The following ALG13 variants were observed in gnomAD, a reference collection of about 807,000 sequenced individuals.
ALG13 encodes ALG13 UDP-N-acetylglucosaminyltransferase subunit.
In ALG13, 11 loss-of-function variants were observed where a neutral mutation model predicts 87.8. That is an observed-to-expected ratio of 0.13 (90% confidence interval 0.08 to 0.21). The LOEUF is 0.21. ALG13 is among the 10% of genes least tolerant of loss of function. The pLI is 1.00. For synonymous variants in ALG13, 320 were observed against 306.3 expected (o/e 1.04, Z -0.47); for missense variants, 756 against 866.1 (o/e 0.87, Z 1.60).
chrX:111,690,446 T>C (rs1203125386), intron 3 of ALG13: 6 of 696,410 alleles, frequency 8.6e-6, no homozygotes, highest in Non-Finnish European at 1.0e-5. Context: ...TTAAGGATTT[T>C]AGATACTTAT....
In ALG13 at chrX:111,759,784, TATC is replaced by T; in HGVS notation, c.3200_3202del (p.Tyr1067_Pro1068delinsSer). 1 of 1,209,176 alleles carries T rather than the reference TATC, an allele frequency of 8.3e-7. No homozygotes were observed. Reference sequence around the variant, plus strand: ...ATCTGTCCCTCATGGAGCAGTCTATTATCCAGTAATGTCAGATCCCTATGGGCA... The same window carrying T: ...ATCTGTCCCTCATGGAGCAGTCTATTCAGTAATGTCAGATCCCTATGGGCA... On this transcript the variant is annotated inframe_deletion, in exon 27 of 27. Coordinates refer to ENST00000394780, the MANE Select transcript of ALG13 (RefSeq NM_001099922.3).
Position 111,704,500 on chromosome X carries a change from G to T in ALG13, c.384-3527G>T, listed in dbSNP as rs762072443. On this transcript the variant is annotated intron_variant, in intron 3 of 26. Coordinates refer to ENST00000394780, the MANE Select transcript of ALG13 (RefSeq NM_001099922.3). ...TAAACAAATTTTGGTTTATGCAGGGGATTGAACTATGTAGTGATGCACCAT... is the reference window on the plus strand; with the variant it reads ...TAAACAAATTTTGGTTTATGCAGGGTATTGAACTATGTAGTGATGCACCAT... Among the ~76,000 whole-genome samples the T allele has an allele frequency of 3.6e-5, 4 of 112,129 alleles. No homozygotes were observed. The East Asian group carries it at 1.1e-3, about 31-fold the overall frequency.
At chrX:111,742,454 A>C (rs1157704398) in intron 23 of ALG13, among the ~76,000 whole-genome samples, 5 of 111,252 alleles carry the variant, frequency 4.5e-5, no homozygotes, top group East Asian at 5.6e-4. Context: ...AAAAAAAAAA[A>C]CAGTAATCAA....
At chrX:111,705,303 CTT>C (rs1055929101) in intron 3 of ALG13, among the ~76,000 whole-genome samples, 17 of 111,553 alleles carry the variant, frequency 1.5e-4, no homozygotes, top group Admixed American at 2.9e-4. Flanking sequence ...GTATTCAAAT[CTT>C]TTGTCTATTT....
chrX:111,745,349 G>A (rs1389351613), intron 24 of ALG13, among the ~76,000 whole-genome samples: 1 of 111,132 alleles, frequency 9.0e-6, no homozygotes, highest in African/African-American at 3.3e-5. Flanking sequence ...TGGGGATTAG[G>A]AGTCTTATCT....
chrX:111,686,159 C>G (rs1418625882), intron 3 of ALG13: 2 of 1,119,029 alleles, frequency 1.8e-6, no homozygotes, highest in Admixed American at 5.9e-5. Flanking sequence ...ACACTAGAAG[C>G]TTGCCAAAGG....
chrX:111,733,018 A>C (rs1942865294), intron 21 of ALG13, among the ~76,000 whole-genome samples: 1 of 111,356 alleles, frequency 9.0e-6, no homozygotes. Context: ...CAATCTCTTC[A>C]TATGTTCCAA....
intron 3 of ALG13, among the ~76,000 whole-genome samples, chrX:111,692,685 G>T (rs1042934184): frequency 9.0e-6 from 1 of 111,618 alleles, no homozygotes; most frequent in African/African-American, 3.3e-5. Flanking sequence ...GTCAAATAAT[G>T]GTACCTGTCA....
At position 111,757,592 on chromosome X, in the gene ALG13, A is replaced by G. The variant is rs764187466; in HGVS notation, c.2978A>G (p.Tyr993Cys). The G allele has an allele frequency of 8.4e-7, 1 of 1,196,483 alleles. No individual in the cohort carries two copies. Among genetic ancestry groups the G allele is most frequent in the Non-Finnish European group, 1.1e-6 (1 of 889,554 alleles). ...QYYFNLGLQCYYHSYWHSMVY... is the reference protein window; with the variant it reads ...QYYFNLGLQCCYHSYWHSMVY... ...TGTTGCCCTTTCTTGCTCAAGTGCT[A>G]TTACCACAGCTACTGGCACTCCATG... Residue 993 changes from tyrosine to cysteine, a missense_variant, in exon 26 of 27, where the codon TAT becomes TGT. Coordinates refer to ENST00000394780, the MANE Select transcript of ALG13 (RefSeq NM_001099922.3).
chrX:111,734,443 C>G (rs1321981112), intron 21 of ALG13: 1 of 111,954 alleles, frequency 8.9e-6, no homozygotes, highest in African/African-American at 3.2e-5. Context: ...CAGTAAGGTA[C>G]TTTTTGTTGT....
Position 111,760,130 on chromosome X carries a change from T to C in ALG13, c.*131T>C, listed in dbSNP as rs755728196. On this transcript the variant is annotated 3_prime_UTR_variant, in exon 27 of 27. Coordinates refer to ENST00000394780, the MANE Select transcript of ALG13 (RefSeq NM_001099922.3). Reference sequence around the variant, plus strand: ...TATTGTATTTGTCTTTAAAATTATTTTATCTTTTGATTTAAAATAGTACTT... The same window carrying C: ...TATTGTATTTGTCTTTAAAATTATTCTATCTTTTGATTTAAAATAGTACTT... 547 of 760,890 alleles carry C rather than the reference T, an allele frequency of 7.2e-4. 3 individuals are homozygous for C. Among genetic ancestry groups the C allele is most frequent in the Non-Finnish European group, 1.6e-4 (90 of 551,872 alleles). The allele number at this position is 760,890 out of a possible 1,213,427, so 62.7% of individuals were successfully genotyped here.
rs1206750653 is a variant in ALG13 at position 111,682,164 on chromosome X, C to T, written c.114C>T (p.Ile38=). The part of the protein sequence containing the change: ...KIESLGYNRL[I]LQIGRGTVVP... ...AGAGCCTTGGTTACAACCGACTTATCCTGCAAATTGGTAGAGGAACGGTGG... is the reference window on the plus strand; with the variant it reads ...AGAGCCTTGGTTACAACCGACTTATTCTGCAAATTGGTAGAGGAACGGTGG... The change falls in exon 2 of 27, where the codon ATC becomes ATT. Residue 38 remains isoleucine, a synonymous_variant. Coordinates refer to ENST00000394780, the MANE Select transcript of ALG13 (RefSeq NM_001099922.3). 5 of 1,193,935 alleles carry T rather than the reference C, an allele frequency of 4.2e-6. No individual in the cohort carries two copies. The Admixed American group carries it at 9.3e-5, about 22-fold the overall frequency.
At position 111,744,768 on chromosome X, in the gene ALG13, ACCTCCTCCTCCT is replaced by A. The variant is rs56717389; in HGVS notation, c.2824_2835del (p.Pro942_Pro945del). The stretch of plus-strand genomic sequence containing the variant: ...CACCACCACCACCACCACCACCACC[ACCTCCTCCTCCT>A]CCTCCTCCTCCTCCTCCTCCTCCTC... On this transcript the variant is annotated inframe_deletion, in exon 24 of 27. Transcript: ENST00000394780. 271 of 594,412 alleles carry A rather than the reference ACCTCCTCCTCCT, an allele frequency of 4.6e-4. No individual in the cohort carries two copies. The highest frequency in any genetic ancestry group is 1.1e-3 in the East Asian group (19 of 16,589). 49.0% of individuals were successfully genotyped at this position (594,412 alleles called of 1,213,427 possible). A position where few individuals can be genotyped will look rare whatever the true frequency, so the allele number is the denominator to read the frequency against.
intron 3 of ALG13, among the ~76,000 whole-genome samples, chrX:111,692,045 C>A: frequency 9.0e-6 from 1 of 111,551 alleles, no homozygotes; most frequent in Non-Finnish European, 1.9e-5. Context: ...TTCCAATTGC[C>A]TTTGGCCCTG....
chrX:111,698,291 G>A (rs780796924), intron 3 of ALG13, among the ~76,000 whole-genome samples: 6 of 111,885 alleles, frequency 5.4e-5, no homozygotes, highest in Non-Finnish European at 5.7e-5. Flanking sequence ...ACAATGTAAT[G>A]TTTTGCTATT....
At chrX:111,716,215 C>T (rs952680203) in intron 8 of ALG13, among the ~76,000 whole-genome samples, 1 of 111,424 alleles carries the variant, frequency 9.0e-6, no homozygotes, top group African/African-American at 3.3e-5. Context: ...AGATCTACCC[C>T]ATTTTTTCAC....
At chrX:111,720,796 A>T (rs1453374550) in intron 11 of ALG13, among the ~76,000 whole-genome samples, 5 of 111,102 alleles carry the variant, frequency 4.5e-5, no homozygotes, top group African/African-American at 1.6e-4. Context: ...AGGTGATTGT[A>T]GAGTACAGAA....
chrX:111,728,322 T>G lies in ALG13; in HGVS notation c.2368+17T>G, dbSNP rs1942293937. On this transcript the variant is annotated intron_variant, in intron 19 of 26. Transcript: ENST00000394780. ...GTGAAAATGGTGAGTCAATTACAGT[T>G]AAATATTTTTTAAAAGATTCTTGTG... The G allele has an allele frequency of 8.3e-7, 1 of 1,206,385 alleles. No homozygotes were observed. Among genetic ancestry groups the G allele is most frequent in the Admixed American group, 2.2e-5 (1 of 45,484 alleles).
At chrX:111,739,910 G>A (rs765582965) in intron 23 of ALG13, among the ~76,000 whole-genome samples, 1 of 112,182 alleles carries the variant, frequency 8.9e-6, no homozygotes, top group Admixed American at 9.4e-5. Context: ...ATCACAAAAA[G>A]TTGTATTGGA....
Sources: allele counts gnomAD v4.1 joint callset (sites outside exome capture counted in the v4.1 genomes callset), GRCh38; gene constraint gnomAD v4.1.1; transcripts MANE v1.5; gene names NCBI Gene and HGNC (gene_info 2026-07-23, HGNC 2026-07-21).